The following CCDC148 variants were observed in gnomAD, a reference collection of about 807,000 sequenced individuals.
CCDC148 encodes coiled-coil domain containing 148.
In CCDC148, 89 loss-of-function variants were observed where a neutral mutation model predicts 85.7. The ratio of observed to expected loss-of-function variants is 1.04; its 90% CI spans 0.87 to 1.24. The LOEUF (loss-of-function observed/expected upper bound fraction) is 1.24, where lower values mean the gene tolerates loss of function less well. Among genes scored for constraint, CCDC148 ranks in the 50% most tolerant of loss-of-function variants. The pLI is 0.00. For missense variants in CCDC148, 692 were observed against 671.7 expected (o/e 1.03, Z -0.33); for synonymous variants, 230 against 213.9 (o/e 1.08, Z -0.66).
intron 9 of CCDC148, among the ~76,000 whole-genome samples, chr2:158,253,880 T>A (rs1185935239): frequency 6.6e-6 from 1 of 151,570 alleles, no homozygotes; most frequent in African/African-American, 2.4e-5. Context: ...CAGACATTGC[T>A]CCTTCTGATG....
chr2:158,329,913 G>T (rs1451659237), intron 7 of CCDC148, among the ~76,000 whole-genome samples: 1 of 152,202 alleles, frequency 6.6e-6, no homozygotes, highest in Non-Finnish European at 1.5e-5. Flanking sequence ...TTTGGGCTGA[G>T]ACAATGGGGT....
At chr2:158,351,130 A>G (rs1365576133) in intron 2 of CCDC148, among the ~76,000 whole-genome samples, 1 of 152,176 alleles carries the variant, frequency 6.6e-6, no homozygotes, top group Non-Finnish European at 1.5e-5. Context: ...ATTGCAGTTT[A>G]TACTTCGGAT....
At chr2:158,174,009 A>G (rs1684448340) in intron 13 of CCDC148, among the ~76,000 whole-genome samples, 1 of 151,990 alleles carries the variant, frequency 6.6e-6, no homozygotes, top group African/African-American at 2.4e-5. Context: ...TATGTACTAG[A>G]TATTTTTACC....
intron 7 of CCDC148, among the ~76,000 whole-genome samples, chr2:158,324,172 C>A (rs1692654008): frequency 6.6e-6 from 1 of 152,014 alleles, no homozygotes; most frequent in Admixed American, 6.6e-5. Context: ...CCCATCTTGC[C>A]TCCCACAGTG....
intron 9 of CCDC148, among the ~76,000 whole-genome samples, chr2:158,293,612 C>T (rs897752115): frequency 5.3e-5 from 8 of 152,046 alleles, no homozygotes; most frequent in Non-Finnish European, 7.4e-5. Context: ...AGACTTAGCC[C>T]TCCAGGAGAA....
At chr2:158,287,872 C>T (rs1690702759) in intron 9 of CCDC148, among the ~76,000 whole-genome samples, 1 of 152,244 alleles carries the variant, frequency 6.6e-6, no homozygotes, top group South Asian at 2.1e-4. Context: ...CTCTTCTGTA[C>T]TGCCTTAGCA....
At chr2:158,327,074 GT>G (rs1692814777) in intron 7 of CCDC148, among the ~76,000 whole-genome samples, 2 of 151,978 alleles carry the variant, frequency 1.3e-5, no homozygotes, top group Admixed American at 1.3e-4. Context: ...TGATATTAAG[GT>G]TTTTGCTCAA....
intron 5 of CCDC148, among the ~76,000 whole-genome samples, chr2:158,339,975 T>C (rs572659291): frequency 3.3e-4 from 50 of 152,164 alleles, no homozygotes; most frequent in African/African-American, 9.9e-4. Flanking sequence ...CCAGGATGCA[T>C]TGGGAGGAGA....
At chr2:158,376,689 A>C (rs1487551594) in intron 1 of CCDC148, among the ~76,000 whole-genome samples, 1 of 152,134 alleles carries the variant, frequency 6.6e-6, no homozygotes, top group African/African-American at 2.4e-5. Flanking sequence ...AGGGAAAGGA[A>C]GAGGGAGGAA....
chr2:158,310,817 C>G (rs560318408), intron 8 of CCDC148, among the ~76,000 whole-genome samples: 1 of 147,234 alleles, frequency 6.8e-6, no homozygotes, highest in Non-Finnish European at 1.5e-5. Context: ...CAGGCAGAGA[C>G]GCTCCTCACT....
chr2:158,451,993 GTTTA>G (rs982058038), intron 1 of CCDC148, among the ~76,000 whole-genome samples: 4 of 152,152 alleles, frequency 2.6e-5, no homozygotes, highest in Non-Finnish European at 5.9e-5. Flanking sequence ...AGAAAATGAA[GTTTA>G]TTTAAGTATG....
At chr2:158,406,466 T>C (rs1207835410) in intron 1 of CCDC148, among the ~76,000 whole-genome samples, 1 of 151,966 alleles carries the variant, frequency 6.6e-6, no homozygotes, top group Non-Finnish European at 1.5e-5. Flanking sequence ...GAGCCATAAT[T>C]TGACATACAG....
intron 1 of CCDC148, among the ~76,000 whole-genome samples, chr2:158,395,076 A>T (rs932321761): frequency 3.3e-5 from 5 of 152,134 alleles, no homozygotes; most frequent in Admixed American, 6.6e-5. Flanking sequence ...TAGAAACATA[A>T]AAAATATTCA....
chr2:158,308,610 T>A (rs779640157), intron 9 of CCDC148, among the ~76,000 whole-genome samples: 1 of 152,216 alleles, frequency 6.6e-6, no homozygotes, highest in Non-Finnish European at 1.5e-5. Flanking sequence ...TGCACCATCA[T>A]CTTCCTACCA....
chr2:158,232,103 CT>C (rs1687884547), intron 10 of CCDC148, among the ~76,000 whole-genome samples: 1 of 152,106 alleles, frequency 6.6e-6, no homozygotes, highest in East Asian at 1.9e-4. Context: ...GAATTTATAG[CT>C]TGTCTCTTTA....
In CCDC148 at chr2:158,294,298, G is replaced by T. The variant is rs1265225142; in HGVS notation, c.1110+15135C>A. Among the ~76,000 whole-genome samples the T allele has an allele frequency of 2.6e-5, 4 of 152,170 alleles. No homozygotes were observed. The East Asian group carries it at 7.7e-4, about 29-fold the overall frequency. On this transcript the variant is annotated intron_variant, in intron 9 of 13. Coordinates refer to ENST00000283233, the MANE Select transcript of CCDC148 (RefSeq NM_138803.4). The stretch of plus-strand genomic sequence containing the variant: ...TTGCTGAGTAATATTCCATTGTATG[G>T]AAGTATCACAGCTTGTTTACCCCTT...
intron 11 of CCDC148, among the ~76,000 whole-genome samples, chr2:158,219,805 G>C (rs1011610809): frequency 6.6e-6 from 1 of 152,166 alleles, no homozygotes; most frequent in Non-Finnish European, 1.5e-5. Flanking sequence ...AGCTTCCACA[G>C]TAAGGTGTGA....
chr2:158,360,848 C>T (rs1377574129), intron 1 of CCDC148, among the ~76,000 whole-genome samples: 2 of 151,826 alleles, frequency 1.3e-5, no homozygotes, highest in Non-Finnish European at 2.9e-5. Context: ...CAGAAGTAGG[C>T]TTCAGAAGGT....
At chr2:158,311,055 C>A (rs1691983294) in intron 8 of CCDC148, among the ~76,000 whole-genome samples, 1 of 152,140 alleles carries the variant, frequency 6.6e-6, no homozygotes, top group Non-Finnish European at 1.5e-5. Flanking sequence ...ACGCTGCTCA[C>A]TTCCTAGGCG....
Sources: gnomAD v4.1 joint callset for allele counts (sites outside exome capture counted in the v4.1 genomes callset) on GRCh38, gnomAD v4.1.1 for gene constraint, MANE v1.5 for transcripts, NCBI Gene and HGNC (gene_info 2026-07-23, HGNC 2026-07-21) for gene names.